Variants in MICU1 observed in about 807,000 individuals in gnomAD.
MICU1 encodes the protein mitochondrial calcium uptake 1, also known as calcium uptake protein 1, mitochondrial.
In MICU1, 45 loss-of-function variants were observed where a neutral mutation model predicts 56.8. That is an observed-to-expected ratio of 0.79 (90% CI 0.62 to 1.02). The LOEUF is 1.02. MICU1 is among the 50% of genes least tolerant of loss of function. The pLI, the probability that MICU1 is intolerant of heterozygous loss-of-function variation, is 0.00. For missense variants in MICU1, 504 were observed against 587.1 expected (o/e 0.86, Z 1.46); for synonymous variants, 186 against 195.1 (o/e 0.95, Z 0.39).
chr10:72,574,077 C>T (rs1243832185), intron 1 of MICU1, among the ~76,000 whole-genome samples: 3 of 152,116 alleles, frequency 2.0e-5, no homozygotes, highest in African/African-American at 7.2e-5. Context: ...CTACTTGGCT[C>T]TTCCAATCCT....
chr10:72,467,260 T>C (rs994225929), intron 8 of MICU1, among the ~76,000 whole-genome samples: 2 of 152,212 alleles, frequency 1.3e-5, no homozygotes, highest in African/African-American at 4.8e-5. Flanking sequence ...CTTGGCTCAC[T>C]GCAACTTCCG....
chr10:72,607,730 A>G (rs1841731167), intron 1 of MICU1, among the ~76,000 whole-genome samples: 1 of 152,096 alleles, frequency 6.6e-6, no homozygotes, highest in Non-Finnish European at 1.5e-5. Context: ...CAAACCCAAG[A>G]AGGAGGTTGT....
intron 5 of MICU1, among the ~76,000 whole-genome samples, chr10:72,521,188 A>G (rs1277464176): frequency 3.9e-5 from 6 of 152,146 alleles, no homozygotes; most frequent in African/African-American, 1.4e-4. Context: ...AAATTTGTAT[A>G]AGAAAAAAAT....
intron 8 of MICU1, among the ~76,000 whole-genome samples, chr10:72,438,073 A>T (rs1864793267): frequency 6.6e-6 from 1 of 152,136 alleles, no homozygotes; most frequent in Admixed American, 6.6e-5. Context: ...AGAACTCTCC[A>T]CCCCAAATCA....
intron 1 of MICU1, among the ~76,000 whole-genome samples, chr10:72,573,566 AT>A (rs1840669807): frequency 6.6e-6 from 1 of 152,196 alleles, no homozygotes; most frequent in South Asian, 2.1e-4. Flanking sequence ...ACAGTATTTC[AT>A]ATTAGCATTT....
intron 4 of MICU1, among the ~76,000 whole-genome samples, chr10:72,544,246 T>A (rs1839845379): frequency 6.6e-6 from 1 of 152,140 alleles, no homozygotes; most frequent in South Asian, 2.1e-4. Context: ...GGGACAGGAA[T>A]TGCTCACTCA....
chr10:72,390,796 T>C (rs1863043269), intron 10 of MICU1, among the ~76,000 whole-genome samples: 1 of 152,254 alleles, frequency 6.6e-6, no homozygotes, highest in Non-Finnish European at 1.5e-5. Flanking sequence ...TTTAAGCTCC[T>C]AGAACCTCTT....
At chr10:72,494,852 A>AAAC (rs1554880758) in intron 6 of MICU1, among the ~76,000 whole-genome samples, 15 of 151,438 alleles carry the variant, frequency 9.9e-5, no homozygotes, top group African/African-American at 2.2e-4. Flanking sequence ...TAAAAAAAAA[A>AAAC]AAAACAAAAC....
intron 6 of MICU1, among the ~76,000 whole-genome samples, chr10:72,500,663 T>C (rs1867040911): frequency 6.6e-6 from 1 of 152,130 alleles, no homozygotes; most frequent in African/African-American, 2.4e-5. Context: ...CTATCTAGAA[T>C]TGTTTTCATG....
chr10:72,481,249 C>T (rs1048955634), intron 6 of MICU1, among the ~76,000 whole-genome samples: 3 of 152,164 alleles, frequency 2.0e-5, no homozygotes, highest in Non-Finnish European at 4.4e-5. Flanking sequence ...TGATGTCAAG[C>T]GATTCTCTTG....
chr10:72,589,296 A>T (rs1166490908), intron 1 of MICU1, among the ~76,000 whole-genome samples: 2 of 152,030 alleles, frequency 1.3e-5, no homozygotes, highest in Non-Finnish European at 2.9e-5. Flanking sequence ...CTCAGGGAAA[A>T]AAAAAAAAGG....
At chr10:72,404,208 T>C (rs1168361417) in intron 10 of MICU1, among the ~76,000 whole-genome samples, 1 of 151,692 alleles carries the variant, frequency 6.6e-6, no homozygotes, top group African/African-American at 2.4e-5. Flanking sequence ...CAGGCTGGTC[T>C]TGAACTCCTG....
chr10:72,535,350 T>C (rs111591099), intron 4 of MICU1, among the ~76,000 whole-genome samples: 12 of 152,028 alleles, frequency 7.9e-5, no homozygotes, highest in Non-Finnish European at 1.3e-4. Flanking sequence ...TATTTTTTAA[T>C]GTACTGTCAA....
intron 11 of MICU1, among the ~76,000 whole-genome samples, chr10:72,372,401 A>G (rs1004751402): frequency 2.6e-5 from 4 of 152,050 alleles, no homozygotes; most frequent in African/African-American, 9.7e-5. Flanking sequence ...GGAGGCCAAG[A>G]AGGGAGGACT....
chr10:72,405,653 A>T (rs1054988938), intron 10 of MICU1, among the ~76,000 whole-genome samples: 4 of 151,934 alleles, frequency 2.6e-5, no homozygotes, highest in African/African-American at 4.8e-5. Flanking sequence ...GTAATACATT[A>T]AAAAAGCTAA....
intron 8 of MICU1, among the ~76,000 whole-genome samples, chr10:72,430,397 T>C (rs531633159): frequency 1.3e-5 from 2 of 152,312 alleles, no homozygotes; most frequent in Non-Finnish European, 2.9e-5. Flanking sequence ...ATGGGATCTT[T>C]AAAATTTTAT....
At chr10:72,572,959 C>T (rs1188795241) in intron 1 of MICU1, among the ~76,000 whole-genome samples, 3 of 152,050 alleles carry the variant, frequency 2.0e-5, no homozygotes, top group Non-Finnish European at 4.4e-5. Flanking sequence ...ATATACCCTA[C>T]TGATGTACTT....
At position 72,475,082 on chromosome 10, in the gene MICU1, A is replaced by G. The variant is rs1449917562; in HGVS notation, c.933+18T>C. 1.3e-6 allele frequency: 2 copies of G among 1,596,710 alleles called. No individual in the cohort carries two copies. The highest frequency in any genetic ancestry group is 1.3e-5 in the African/African-American group (1 of 74,700). On this transcript the variant is annotated intron_variant, in intron 8 of 11. Coordinates refer to ENST00000361114, the MANE Select transcript of MICU1 (RefSeq NM_001195518.2). Reference sequence around the variant, plus strand: ...AGTTCCACATGTGATGGATCTACTGAGTCTAAGGAAGACCTACCTCAAGCT... The same window carrying G: ...AGTTCCACATGTGATGGATCTACTGGGTCTAAGGAAGACCTACCTCAAGCT...
chr10:72,423,317 T>A lies in MICU1; in HGVS notation c.988A>T (p.Met330Leu). The A allele has an allele frequency of 6.2e-7, 1 of 1,614,036 alleles. No individual in the cohort carries two copies. The highest frequency in any genetic ancestry group is 1.1e-5 in the South Asian group (1 of 91,082). ...GRITERQFGG[M>L]LLAYSGVQSK... ...TGCACCCCACTGTAGGCAAGTAGCATGCCACCAAACTGCCTCTCAGTAATT... is the reference window on the plus strand; with the variant it reads ...TGCACCCCACTGTAGGCAAGTAGCAAGCCACCAAACTGCCTCTCAGTAATT... Residue 330 changes from methionine (M) to leucine (L), a missense_variant, in exon 9 of 12, where the codon ATG becomes TTG. By Grantham distance (15) the Met-to-Leu change is conservative. Coordinates refer to ENST00000361114, the MANE Select transcript of MICU1 (RefSeq NM_001195518.2).
Sources: gnomAD v4.1 joint callset for allele counts (sites outside exome capture counted in the v4.1 genomes callset) on GRCh38, gnomAD v4.1.1 for gene constraint, MANE v1.5 for transcripts, NCBI Gene and HGNC (gene_info 2026-07-23, HGNC 2026-07-21) for gene names.